EHMT1: variants seen among roughly 807,000 people sequenced by gnomAD.
The protein encoded by EHMT1 is euchromatic histone lysine methyltransferase 1.
A neutral mutation model predicts 147.2 loss-of-function variants in EHMT1; 15 were observed. The observed-to-expected ratio is 0.10, with a 90% CI of 0.07 to 0.16. The LOEUF is 0.16. Ranked by LOEUF, EHMT1 falls within the 10% of genes least tolerant of loss-of-function variation. The pLI is 1.00. For missense variants in EHMT1, 1,587 were observed against 1,772.4 expected, an observed-to-expected ratio of 0.90 and a Z score of 1.88; for synonymous variants, 795 against 709.6, an observed-to-expected ratio of 1.12 and a Z score of -1.91.
At chr9:137,654,117 C>T (rs143295239) in intron 1 of EHMT1, among the ~76,000 whole-genome samples, 3 of 152,278 alleles carry the variant, frequency 2.0e-5, no homozygotes, top group Admixed American at 6.5e-5. Context: ...CGCGGTGGCT[C>T]ACGCCTGTAA....
rs201528122 is a variant in EHMT1 at position 137,717,171 on chromosome 9, G to A, written c.631G>A (p.Val211Ile). 1.3e-4 allele frequency: 209 copies of A among 1,612,100 alleles called. 2 individuals carry two copies. The East Asian group carries it at 4.1e-3, about 31-fold the overall frequency. The change falls in exon 3 of 27, where the codon GTC becomes ATC. Residue 211 changes from valine to isoleucine, a missense_variant. By Grantham distance (29) the Val-to-Ile change is conservative. Around this residue, in one of 7 missense-constraint regions of EHMT1, gnomAD observed 810 missense variants for 673.0 expected, o/e 1.20. Transcript: ENST00000460843. ...HRARKTMPKS[V>I]VGLHAASKDP... ...GGCACGCAAGACCATGCCGAAGTCC[G>A]TCGTGGGCCTGGTAATTTTGTGTCT...
chr9:137,735,137 T>G (rs1214666203), intron 4 of EHMT1, among the ~76,000 whole-genome samples: 2 of 152,258 alleles, frequency 1.3e-5, no homozygotes, highest in Non-Finnish European at 2.9e-5. Flanking sequence ...ATTGCAACTT[T>G]GGTTTGTAAC....
At chr9:137,758,254 C>T (rs1029712602) in intron 9 of EHMT1, among the ~76,000 whole-genome samples, 3 of 152,220 alleles carry the variant, frequency 2.0e-5, no homozygotes, top group South Asian at 2.1e-4. Flanking sequence ...CATGGCCCAG[C>T]GTGGCGGTCA....
intron 18 of EHMT1, chr9:137,802,313 G>A: frequency 2.5e-6 from 1 of 398,692 alleles, no homozygotes; most frequent in Non-Finnish European, 4.4e-6. Context: ...AATGGGAGGT[G>A]CTGCAGCCCT....
intron 2 of EHMT1, among the ~76,000 whole-genome samples, chr9:137,713,841 T>C (rs904365999): frequency 6.6e-6 from 1 of 151,874 alleles, no homozygotes; most frequent in East Asian, 1.9e-4. Flanking sequence ...TCCCAGCTAC[T>C]CATGAGGCTG....
intron 1 of EHMT1, among the ~76,000 whole-genome samples, chr9:137,633,907 G>A (rs1333886608): frequency 1.3e-5 from 2 of 150,530 alleles, no homozygotes; most frequent in African/African-American, 2.4e-5. Flanking sequence ...TCCGCCTCCC[G>A]GGTTCAAGCG....
chr9:137,788,009 C>A lies in EHMT1; in HGVS notation c.2383-2839C>A, dbSNP rs954559965. 5.0e-5 allele frequency: 72 copies of A among 1,448,298 alleles called. No homozygotes were observed. The African/African-American group carries it at 8.5e-4, about 17-fold the overall frequency. The allele number at this position is 1,448,298 out of a possible 1,614,324, so 89.7% of individuals were successfully genotyped here. On this transcript the variant is annotated intron_variant, in intron 15 of 26. Transcript: ENST00000460843. ...AGGTGCCCTGCAGTAAGTGGAGAGGCCAGGCCCTAGGCTCCGGGAAGAGGG... is the reference window on the plus strand; with the variant it reads ...AGGTGCCCTGCAGTAAGTGGAGAGGACAGGCCCTAGGCTCCGGGAAGAGGG...
intron 10 of EHMT1, chr9:137,763,162 T>A: frequency 6.5e-6 from 3 of 463,194 alleles, no homozygotes; most frequent in Non-Finnish European, 1.2e-5. Context: ...CACACCAAGG[T>A]GAGTCCAGAA....
At chr9:137,649,269 G>C (rs952146003) in intron 1 of EHMT1, among the ~76,000 whole-genome samples, 2 of 152,040 alleles carry the variant, frequency 1.3e-5, no homozygotes, top group African/African-American at 4.8e-5. Context: ...AGACCAGCCT[G>C]GTCAACATGG....
At position 137,776,137 on chromosome 9, in the gene EHMT1, T is replaced by G. The variant is rs917748283; in HGVS notation, c.1792-481T>G. Among the ~76,000 whole-genome samples, 1 of 152,234 alleles carries G rather than the reference T, an allele frequency of 6.6e-6. No homozygotes were observed. Among genetic ancestry groups the G allele is most frequent in the Non-Finnish European group, 1.5e-5 (1 of 68,042 alleles). On this transcript the variant is annotated intron_variant, in intron 11 of 26. Coordinates refer to ENST00000460843, the MANE Select transcript of EHMT1 (RefSeq NM_024757.5). The surrounding 1 kb of genome is among the most constrained non-coding windows in gnomAD (Gnocchi z 4.4). The stretch of plus-strand genomic sequence containing the variant: ...TCTGCTACATCTGTTTATCTCTGGC[T>G]TTCTGCAAGAAAATGCTGTTCTTAC...
intron 16 of EHMT1, among the ~76,000 whole-genome samples, chr9:137,797,146 G>A (rs1041612201): frequency 6.6e-6 from 1 of 152,120 alleles, no homozygotes; most frequent in Non-Finnish European, 1.5e-5. Context: ...CCAGACAGGC[G>A]CTGTGTGGGG....
intron 15 of EHMT1, chr9:137,783,966 A>G: frequency 4.6e-6 from 2 of 434,270 alleles, no homozygotes; most frequent in Non-Finnish European, 8.2e-6. Flanking sequence ...GTATTTTAAT[A>G]GGAACTTTTA....
intron 1 of EHMT1, among the ~76,000 whole-genome samples, chr9:137,664,285 A>G (rs912174970): frequency 6.7e-6 from 1 of 149,354 alleles, no homozygotes; most frequent in Non-Finnish European, 1.5e-5. Context: ...CTGTTTAGCC[A>G]TACTTTTTTT....
At chr9:137,824,370 A>G (rs140727571) in intron 25 of EHMT1, among the ~76,000 whole-genome samples, 1 of 152,198 alleles carries the variant, frequency 6.6e-6, no homozygotes, top group Non-Finnish European at 1.5e-5. Flanking sequence ...CCTTTGATCT[A>G]TTTGCTGATC....
At chr9:137,652,978 T>C (rs968741937) in intron 1 of EHMT1, among the ~76,000 whole-genome samples, 3 of 152,190 alleles carry the variant, frequency 2.0e-5, no homozygotes, top group Non-Finnish European at 4.4e-5. Flanking sequence ...TCCATTCGCC[T>C]TGGCCTCCCA....
intron 1 of EHMT1, among the ~76,000 whole-genome samples, chr9:137,626,945 G>A (rs1373290401): frequency 6.6e-6 from 1 of 151,816 alleles, no homozygotes; most frequent in Non-Finnish European, 1.5e-5. Flanking sequence ...ACCACACCTG[G>A]TTAATTTTGT....
intron 3 of EHMT1, among the ~76,000 whole-genome samples, chr9:137,722,743 G>C (rs948809672): frequency 6.6e-6 from 1 of 152,018 alleles, no homozygotes; most frequent in East Asian, 1.9e-4. Context: ...AGACTGTGGC[G>C]GTAGGGTGCC....
In EHMT1 at chr9:137,813,154, G is replaced by T. The variant is rs33999936; in HGVS notation, c.3016G>T (p.Val1006Leu). 1 of 1,610,686 alleles carries T rather than the reference G, an allele frequency of 6.2e-7. No homozygotes were observed. Among genetic ancestry groups the T allele is most frequent in the East Asian group, 2.2e-5 (1 of 44,880 alleles). Residue 1006 changes from valine to leucine, a missense_variant, in exon 20 of 27, where the codon GTG becomes TTG. Val to Leu is a conservative substitution (Grantham distance 32, BLOSUM62 1). This residue lies in a region of EHMT1 where 78 missense variants were observed against 68.9 expected (regional missense o/e 1.13). Transcript: ENST00000460843. The surrounding 1 kb of genome is among the most constrained non-coding windows in gnomAD (Gnocchi z 4.9). ...QDSAPDRPSP[V>L]ERIVSRDIAR... ...CTCGGCCCCCGACAGGCCCAGCCCC[G>T]TGGAGAGGATAGTGAGCAGGTGAGC...
chr9:137,762,199 A>G (rs1297394963), intron 9 of EHMT1, among the ~76,000 whole-genome samples: 1 of 150,842 alleles, frequency 6.6e-6, no homozygotes, highest in Non-Finnish European at 1.5e-5. Flanking sequence ...TCTTTGGACT[A>G]TTGTAGTAGG....
Sources: gnomAD v4.1 joint callset for allele counts (sites outside exome capture counted in the v4.1 genomes callset) on GRCh38, gnomAD v4.1.1 for gene constraint, gnomAD v4.1.1 regional missense constraint, Gnocchi (gnomAD v3.1) non-coding constraint, MANE v1.5 for transcripts, NCBI Gene and HGNC (gene_info 2026-07-23, HGNC 2026-07-21) for gene names.